TRIM33: variants seen among roughly 807,000 people sequenced by gnomAD.
TRIM33 encodes the protein E3 ubiquitin-protein ligase TRIM33.
In TRIM33, 20 loss-of-function variants were observed where a neutral mutation model predicts 125.4. The ratio of observed to expected loss-of-function variants is 0.16; its 90% CI spans 0.11 to 0.23. The LOEUF is 0.23. TRIM33 is among the 10% of genes least tolerant of loss of function. TRIM33 has a pLI of 1.00. For synonymous variants in TRIM33, 564 were observed against 513.9 expected, an observed-to-expected ratio of 1.10 and a Z score of -1.32; for missense variants, 920 against 1,411.4, an observed-to-expected ratio of 0.65 and a Z score of 5.58.
intron 14 of TRIM33, 109 bp from the exon 15 acceptor site, chr1:114,405,868 A>G: frequency 3.1e-6 from 3 of 956,018 alleles, no homozygotes; most frequent in Admixed American, 2.9e-5. Flanking sequence ...TGACGTAACA[A>G]ATTTATTTTA....
chr1:114,404,421 C>T (rs1255073581), intron 15 of TRIM33: 1 of 152,166 alleles, frequency 6.6e-6, no homozygotes, highest in African/African-American at 2.4e-5. Flanking sequence ...GCTGGGATTA[C>T]AGGTGTGAGC....
chr1:114,473,550 AGAAT>A (rs980152080), intron 1 of TRIM33, among the ~76,000 whole-genome samples: 2 of 152,256 alleles, frequency 1.3e-5, no homozygotes, highest in African/African-American at 4.8e-5. Context: ...ATCAGGGTGG[AGAAT>A]GAGTCAGGGC....
intron 11 of TRIM33, among the ~76,000 whole-genome samples, chr1:114,415,688 C>A (rs926980654): frequency 2.0e-5 from 3 of 152,094 alleles, no homozygotes; most frequent in African/African-American, 7.2e-5. Flanking sequence ...CAGTGGCTCA[C>A]GCCTGTAATC....
In TRIM33 at chr1:114,405,861, C is replaced by T. The variant is rs147551372; in HGVS notation, c.2419-102G>A. On this transcript the variant is annotated intron_variant, in intron 14 of 19. Transcript: ENST00000358465. ...GTGAATATGCATATAGATATACTGA[C>T]GTAACAAATTTATTTTATAGATCAC... 8.5e-3 allele frequency: 8,668 copies of T among 1,015,216 alleles called. 55 individuals are homozygous for T. The highest frequency in any genetic ancestry group is 0.021 in the South Asian group (1,227 of 59,202). 62.9% of individuals were successfully genotyped at this position (1,015,216 alleles called of 1,614,324 possible). A position where few individuals can be genotyped will look rare whatever the true frequency, so the allele number is the denominator to read the frequency against.
intron 4 of TRIM33, among the ~76,000 whole-genome samples, chr1:114,450,206 C>T (rs1649226911): frequency 6.6e-6 from 1 of 152,290 alleles, no homozygotes; most frequent in Admixed American, 6.5e-5. Context: ...TTGCAGTGAG[C>T]CAAGACCGCA....
At chr1:114,485,042 A>C (rs564598936) in intron 1 of TRIM33, among the ~76,000 whole-genome samples, 49 of 149,680 alleles carry the variant, frequency 3.3e-4, no homozygotes, top group Non-Finnish European at 6.7e-4. Context: ...ACAGAGTGAG[A>C]CTCTGTCTTT....
chr1:114,430,819 T>C lies in TRIM33; in HGVS notation c.1134A>G (p.Lys378=), dbSNP rs754485914. The C allele has an allele frequency of 3.1e-6, 5 of 1,595,952 alleles. No individual in the cohort carries two copies. In the Admixed American group the frequency reaches 8.3e-5, roughly 27 times the overall value. The change falls in exon 6 of 20, where the codon AAA becomes AAG. Residue 378 remains lysine, a synonymous_variant. Coordinates refer to ENST00000358465, the MANE Select transcript of TRIM33 (RefSeq NM_015906.4). ...TLINEINKKG[K]SLLQQLENVT... is the part of the protein sequence containing the mutation. Reference sequence around the variant, plus strand: ...ATACCTCTAGCTGTTGTAAGAGAGATTTTCCTTTCTTATTAATTTCATTGA... The same window carrying C: ...ATACCTCTAGCTGTTGTAAGAGAGACTTTCCTTTCTTATTAATTTCATTGA...
chr1:114,427,202 G>T lies in TRIM33; in HGVS notation c.1395C>A (p.Phe465Leu). 1.3e-6 allele frequency: 2 copies of T among 1,589,586 alleles called. No homozygotes were observed. The highest frequency in any genetic ancestry group is 8.6e-7 in the Non-Finnish European group (1 of 1,161,510). Residue 465 changes from phenylalanine to leucine, a missense_variant, in exon 8 of 20, where the codon TTC becomes TTA. Phe to Leu is a conservative substitution (Grantham distance 22). Around this residue, in one of 8 missense-constraint regions of TRIM33, gnomAD observed 407 missense variants for 589.7 expected, o/e 0.69. Coordinates refer to ENST00000358465, the MANE Select transcript of TRIM33 (RefSeq NM_015906.4). ...CTAAATTGACTACATTCTTTGCCCA[G>T]AAGGTGGGATCACAATGGAAACGTA... ...GAIRFHCDPT[F>L]WAKNVVNLGN...
At chr1:114,449,219 T>C (rs1649172250) in intron 4 of TRIM33, among the ~76,000 whole-genome samples, 1 of 150,812 alleles carries the variant, frequency 6.6e-6, no homozygotes, top group South Asian at 2.1e-4. Context: ...ATACACGAGA[T>C]GTGAAAGAAA....
chr1:114,402,928 C>T, intron 15 of TRIM33, 45 bp from the exon 16 acceptor site: 2 of 1,560,184 alleles, frequency 1.3e-6, no homozygotes, highest in Admixed American at 2.0e-5. Flanking sequence ...TATAAGAAAG[C>T]CTGCTCTAGA....
At chr1:114,470,360 T>C (rs1195001208) in intron 1 of TRIM33, among the ~76,000 whole-genome samples, 1 of 152,236 alleles carries the variant, frequency 6.6e-6, no homozygotes, top group African/African-American at 2.4e-5. Context: ...TTATAAATTA[T>C]TATTTATCTA....
intron 1 of TRIM33, among the ~76,000 whole-genome samples, chr1:114,507,205 T>C (rs1304520940): frequency 1.3e-5 from 2 of 152,206 alleles, no homozygotes; most frequent in East Asian, 3.8e-4. Flanking sequence ...TTCAAGACAG[T>C]GGTTCTCAAA....
At chr1:114,475,948 C>T (rs1036300893) in intron 1 of TRIM33, among the ~76,000 whole-genome samples, 6 of 151,978 alleles carry the variant, frequency 3.9e-5, no homozygotes, top group African/African-American at 1.4e-4. Context: ...TGCAGTTAGC[C>T]ATGTTCACAC....
chr1:114,435,829 C>G (rs926821029), intron 4 of TRIM33, among the ~76,000 whole-genome samples: 2 of 148,654 alleles, frequency 1.3e-5, no homozygotes, highest in African/African-American at 2.5e-5. Context: ...TAAGCCCAAG[C>G]AATCCTCCTG....
At chr1:114,485,053 TAA>T (rs71580624) in intron 1 of TRIM33, among the ~76,000 whole-genome samples, 1 of 145,216 alleles carries the variant, frequency 6.9e-6, no homozygotes. Context: ...CTCTGTCTTT[TAA>T]AAAAAAAAAA....
rs749293347 is a variant in TRIM33 at position 114,408,657 on chromosome 1, A to G, written c.2258+20T>C. On this transcript the variant is annotated intron_variant, in intron 13 of 19. Coordinates refer to ENST00000358465, the MANE Select transcript of TRIM33 (RefSeq NM_015906.4). ...ATTTTTCTTAACAAAAAGGAAAAAA[A>G]TAATTATCAATATACTCACCTGCCT... The G allele has an allele frequency of 5.9e-6, 9 of 1,534,870 alleles. No individual in the cohort carries two copies. The highest frequency in any genetic ancestry group is 2.4e-5 in the South Asian group (2 of 84,146).
intron 4 of TRIM33, among the ~76,000 whole-genome samples, chr1:114,438,856 T>C (rs992995705): frequency 5.3e-5 from 8 of 152,230 alleles, no homozygotes; most frequent in Non-Finnish European, 7.3e-5. Flanking sequence ...TGTTAGAATT[T>C]ATCTTGTTGC....
At chr1:114,509,991 C>A (rs1281776931) in intron 1 of TRIM33, among the ~76,000 whole-genome samples, 1 of 152,142 alleles carries the variant, frequency 6.6e-6, no homozygotes, top group African/African-American at 2.4e-5. Flanking sequence ...TTCCGAGTTT[C>A]TCTTTCCCCA....
At chr1:114,453,902 G>A (rs928472884) in intron 4 of TRIM33, among the ~76,000 whole-genome samples, 2 of 152,152 alleles carry the variant, frequency 1.3e-5, no homozygotes, top group African/African-American at 4.8e-5. Flanking sequence ...GGCTCCACTG[G>A]GAGAAGACAA....
Sources: gnomAD v4.1 joint callset for allele counts (sites outside exome capture counted in the v4.1 genomes callset) on GRCh38, gnomAD v4.1.1 for gene constraint, gnomAD v4.1.1 regional missense constraint, MANE v1.5 for transcripts, NCBI Gene and HGNC (gene_info 2026-07-23, HGNC 2026-07-21) for gene names.